The following CYP2A6 variants were observed in gnomAD, a reference collection of about 807,000 sequenced individuals.
CYP2A6 encodes the protein cytochrome P450 2A6.
CYP2A6 carries 27 observed loss-of-function variants against 42.3 expected under a neutral mutation model. The observed-to-expected ratio is 0.64, with a 90% CI of 0.47 to 0.88. CYP2A6 has a LOEUF of 0.88. Ranked by LOEUF, CYP2A6 falls within the 40% of genes least tolerant of loss-of-function variation. The pLI is 0.00. For synonymous variants in CYP2A6, 238 were observed against 246.3 expected, an observed-to-expected ratio of 0.97 and a Z score of 0.31; for missense variants, 628 against 646.0, an observed-to-expected ratio of 0.97 and a Z score of 0.30.
Position 40,845,203 on chromosome 19 carries a change from G to T in CYP2A6, c.1161+91C>A, listed in dbSNP as rs748582964. ...TTGACTGATTGAGGGAGTGGGACAG[G>T]GTCTAGAAAGCTTCTAATGTGGGTG... is the stretch of plus-strand genomic sequence containing the variant. On this transcript the variant is annotated intron_variant, in intron 7 of 8. Coordinates refer to ENST00000301141, the MANE Select transcript of CYP2A6 (RefSeq NM_000762.6). 1.2e-5 allele frequency: 18 copies of T among 1,528,248 alleles called. No homozygotes were observed. The Admixed American group carries it at 1.2e-4, about 10-fold the overall frequency. The allele number at this position is 1,528,248 out of a possible 1,614,324, so 94.7% of individuals were successfully genotyped here.
Position 40,846,045 on chromosome 19 carries a change from G to A in CYP2A6, c.884C>T (p.Thr295Met), listed in dbSNP as rs1371337751. The A allele has an allele frequency of 2.5e-6, 4 of 1,611,676 alleles. No individual in the cohort carries two copies. The highest frequency in any genetic ancestry group is 3.4e-6 in the Non-Finnish European group (4 of 1,179,884). The change falls in exon 6 of 9, where the codon ACG (threonine) becomes ATG (methionine). Residue 295 changes from threonine (T) to methionine (M), a missense_variant. Physicochemically the swap from Thr to Met is moderately conservative, Grantham distance 81. Transcript: ENST00000301141. ...GGTGCCCCCAATGAAGAGGTTCAAC[G>A]TGGTCATCACCAGGTTTTTCAAGTA... ...EFYLKNLVMT[T>M]LNLFIGGTET...
rs367713420 is a variant in CYP2A6, at chr19:40,844,685, G to C, written c.1249C>G (p.Leu417Val). Residue 417 changes from leucine to valine, a missense_variant, in exon 8 of 9, where the codon CTG (leucine) becomes GTG (valine). Around this residue, in one of 2 missense-constraint regions of CYP2A6, gnomAD observed 606 missense variants for 568.1 expected, o/e 1.07. Transcript: ENST00000301141. ...TTCTTAAACTGCCCCTTCTCATTCA[G>C]GAAGTGCTGGGGATTGAAGTCCTGG... is the stretch of plus-strand genomic sequence containing the variant. ...NPQDFNPQHF[L>V]NEKGQFKKSD... The C allele has an allele frequency of 8.1e-6, 13 of 1,611,614 alleles. No individual in the cohort carries two copies. The highest frequency in any genetic ancestry group is 1.1e-5 in the Non-Finnish European group (13 of 1,179,900).
In CYP2A6 at chr19:40,848,291, C is replaced by G; in HGVS notation, c.582G>C (p.Lys194Asn). ...SIVFGDRFDY[K>N]DKEFLSLLRM... ...GCAACAGTGACAGGAACTCTTTGTC[C>G]TTATAGTCAAAGCGGTCCCCAAAGA... Residue 194 changes from lysine (K) to asparagine (N), a missense_variant, in exon 4 of 9, where the codon AAG becomes AAC. Coordinates refer to ENST00000301141, the MANE Select transcript of CYP2A6 (RefSeq NM_000762.6). 6.2e-7 allele frequency: 1 copy of G among 1,611,862 alleles called. No individual in the cohort carries two copies. The highest frequency in any genetic ancestry group is 8.5e-7 in the Non-Finnish European group (1 of 1,179,934).
At position 40,849,824 on chromosome 19, in the gene CYP2A6, C is replaced by T. The variant is rs774455621; in HGVS notation, c.337G>A (p.Gly113Ser). ...EQATFDWVFK[G>S]YGVVFSNGER... Reference sequence around the variant, plus strand: ...CTCTTGGGCACCCCCTCACCATAGCCTTTGAAGACCCAGTCGAAGGTGGCT... The same window carrying T: ...CTCTTGGGCACCCCCTCACCATAGCTTTTGAAGACCCAGTCGAAGGTGGCT... The change falls in exon 2 of 9, where the codon GGC becomes AGC. Residue 113 changes from glycine to serine, a missense_variant. By Grantham distance (56) the Gly-to-Ser change is moderately conservative (BLOSUM62 0). Coordinates refer to ENST00000301141, the MANE Select transcript of CYP2A6 (RefSeq NM_000762.6). 7.5e-6 allele frequency: 12 copies of T among 1,610,480 alleles called. No homozygotes were observed. The South Asian group carries it at 1.2e-4, about 16-fold the overall frequency.
chr19:40,844,988 G>C (rs761342152), intron 7 of CYP2A6: 86 of 677,752 alleles, frequency 1.3e-4, no homozygotes, highest in Non-Finnish European at 1.8e-4. Flanking sequence ...TTCTAGGCAG[G>C]AGTTTGGGGG....
Position 40,850,227 on chromosome 19 carries a change from A to G in CYP2A6, c.180+20T>C, listed in dbSNP as rs535366981. On this transcript the variant is annotated intron_variant, in intron 1 of 8. Transcript: ENST00000301141. ...AGGCAGCCCCCACCCCGTGCCACCCATCTCCCTGCCTTGGGACACCTTCAT... is the reference window on the plus strand; with the variant it reads ...AGGCAGCCCCCACCCCGTGCCACCCGTCTCCCTGCCTTGGGACACCTTCAT... 1 of 1,600,686 alleles carries G rather than the reference A, an allele frequency of 6.2e-7. No individual in the cohort carries two copies. The highest frequency in any genetic ancestry group is 2.3e-5 in the East Asian group (1 of 43,244).
chr19:40,846,738 A>G, intron 5 of CYP2A6, 137 bp downstream of exon 5: 4 of 1,346,096 alleles, frequency 3.0e-6, no homozygotes, highest in Middle Eastern at 2.5e-4. Context: ...GCTGTTAGCC[A>G]CGGCACCCAG....
Position 40,850,144 on chromosome 19 carries a change from A to C in CYP2A6, c.180+103T>G, listed in dbSNP as rs141128348. On this transcript the variant is annotated intron_variant, in intron 1 of 8. Coordinates refer to ENST00000301141, the MANE Select transcript of CYP2A6 (RefSeq NM_000762.6). ...TCTGATGCTGAAACTCCAAAACTCC[A>C]TTTCCTAAGACTCTGGTCCACACTG... The C allele has an allele frequency of 1.7e-3, 2,657 of 1,531,800 alleles. 105 individuals carry two copies. The African/African-American group carries it at 0.033, about 19-fold the overall frequency. 94.9% of individuals were successfully genotyped at this position (1,531,800 alleles called of 1,614,324 possible). A position where few individuals can be genotyped will look rare whatever the true frequency, so the allele number is the denominator to read the frequency against.
intron 5 of CYP2A6, 44 bp downstream of exon 5, chr19:40,846,831 T>C: frequency 6.2e-7 from 1 of 1,603,430 alleles, no homozygotes; most frequent in Non-Finnish European, 8.5e-7. Flanking sequence ...CTGATTTCCC[T>C]CTGCCTGGCT....
intron 3 of CYP2A6, 27 bp downstream of exon 3, chr19:40,848,587 C>A: frequency 6.2e-7 from 1 of 1,606,692 alleles, no homozygotes; most frequent in East Asian, 2.3e-5. Context: ...CCTTCTCCTG[C>A]CCCCGCACTC....
At chr19:40,845,099 A>C in intron 7 of CYP2A6, 195 bp downstream of exon 7, 1 of 690,398 alleles carries the variant, frequency 1.4e-6, no homozygotes, top group Non-Finnish European at 2.4e-6. Flanking sequence ...CTCCTGACAC[A>C]AAGAGTCTGG....
chr19:40,845,561 T>G, intron 6 of CYP2A6, 80 bp from the exon 7 acceptor site: 1 of 1,573,752 alleles, frequency 6.4e-7, no homozygotes, highest in East Asian at 2.3e-5. Flanking sequence ...CAAAATGGGG[T>G]GGATGATATG....
At chr19:40,848,061 T>C (rs1317101887) in intron 4 of CYP2A6, among the ~76,000 whole-genome samples, 158 bp downstream of exon 4, 1 of 150,912 alleles carries the variant, frequency 6.6e-6, no homozygotes, top group Non-Finnish European at 1.5e-5. Context: ...ACATCCATCC[T>C]GGGTTCTGGT....
intron 2 of CYP2A6, among the ~76,000 whole-genome samples, chr19:40,849,012 A>G (rs866778099): frequency 2.7e-3 from 133 of 49,264 alleles, no homozygotes; most frequent in Non-Finnish European, 3.5e-3. Context: ...GAGAGAGAGA[A>G]GAGAGAGAGG....
intron 8 of CYP2A6, among the ~76,000 whole-genome samples, chr19:40,844,266 A>G (rs1239061136): frequency 6.6e-6 from 1 of 151,432 alleles, no homozygotes; most frequent in African/African-American, 2.4e-5. Context: ...ATAATGTCAC[A>G]CATCCATCAT....
rs761843714 is a variant in CYP2A6 at position 40,850,043 on chromosome 19, C to T, written c.181-63G>A. ...CTCCACTCTGAATGGGGCCCAGCACCGAGATGTCATGTGCTGGGATGCTTC... is the reference window on the plus strand; with the variant it reads ...CTCCACTCTGAATGGGGCCCAGCACTGAGATGTCATGTGCTGGGATGCTTC... On this transcript the variant is annotated intron_variant, in intron 1 of 8. Transcript: ENST00000301141. The T allele has an allele frequency of 7.5e-5, 119 of 1,593,528 alleles. 4 individuals carry two copies. Among genetic ancestry groups the T allele is most frequent in the African/African-American group, 3.5e-4 (26 of 74,136 alleles).
At position 40,848,868 on chromosome 19, in the gene CYP2A6, T is replaced by G. The variant is rs531895004; in HGVS notation, c.344-105A>C. The G allele has an allele frequency of 5.8e-6, 8 of 1,384,396 alleles. No individual in the cohort carries two copies. The African/African-American group carries it at 1.2e-4, about 21-fold the overall frequency. The allele number at this position is 1,384,396 out of a possible 1,614,324, so 85.8% of individuals were successfully genotyped here. ...AGGGTGGAGGAGAGAGGGAGTAGGG[T>G]GGGAGAGAGATGGATTCAGCGCCAT... On this transcript the variant is annotated intron_variant, in intron 2 of 8. Coordinates refer to ENST00000301141, the MANE Select transcript of CYP2A6 (RefSeq NM_000762.6).
rs761208126 is a variant in CYP2A6, at chr19:40,848,598, G to C, written c.493+16C>G. On this transcript the variant is annotated intron_variant, in intron 3 of 8. Transcript: ENST00000301141. ...TTTTCCTTCTCCTGCCCCCGCACTCGGGGTCCCCTGCTCACCGCCAGTGCC... is the reference window on the plus strand; with the variant it reads ...TTTTCCTTCTCCTGCCCCCGCACTCCGGGTCCCCTGCTCACCGCCAGTGCC... 6.2e-7 allele frequency: 1 copy of C among 1,608,220 alleles called. No homozygotes were observed. The highest frequency in any genetic ancestry group is 8.5e-7 in the Non-Finnish European group (1 of 1,177,340).
chr19:40,849,079 A>C (rs1324999174), intron 2 of CYP2A6, among the ~76,000 whole-genome samples: 47 of 147,274 alleles, frequency 3.2e-4, no homozygotes, highest in Non-Finnish European at 5.4e-4. Context: ...AGAGAGAGAG[A>C]GAGAGAGAGA....
Sources: allele counts gnomAD v4.1 joint callset (sites outside exome capture counted in the v4.1 genomes callset), GRCh38; gene constraint gnomAD v4.1.1; regional missense constraint gnomAD v4.1.1; transcripts MANE v1.5; gene names NCBI Gene and HGNC (gene_info 2026-07-23, HGNC 2026-07-21).